The following TSPAN3 variants were observed in gnomAD, a reference collection of about 807,000 sequenced individuals.
TSPAN3 encodes tetraspanin-3.
Under a neutral mutation model 31.1 loss-of-function variants are expected in TSPAN3, and 9 were observed. The observed-to-expected ratio is 0.29, with a 90% CI of 0.17 to 0.50. The LOEUF (loss-of-function observed/expected upper bound fraction) is 0.50, where lower values mean the gene tolerates loss of function less well. TSPAN3 is among the 20% of genes least tolerant of loss of function. The pLI is 0.98. For synonymous variants in TSPAN3, 129 were observed against 114.3 expected (o/e 1.13, Z -0.82); for missense variants, 252 against 313.5 (o/e 0.80, Z 1.48).
chr15:77,066,283 T>C (rs554447323), intron 1 of TSPAN3, among the ~76,000 whole-genome samples: 56 of 152,274 alleles, frequency 3.7e-4, no homozygotes, highest in Non-Finnish European at 5.1e-4. Context: ...TTTAATACAA[T>C]AGCCTTTGCT....
At chr15:77,047,452 A>G (rs1166710107) in intron 6 of TSPAN3, among the ~76,000 whole-genome samples, 1 of 152,240 alleles carries the variant, frequency 6.6e-6, no homozygotes, top group African/African-American at 2.4e-5. Context: ...GGTTTTTGGA[A>G]AACGAAATTC....
rs553702531 is a variant in TSPAN3, at chr15:77,041,771, A to C, written c.*5064T>G. 1.3e-5 allele frequency: 2 copies of C among 152,346 alleles called. No individual in the cohort carries two copies. Among genetic ancestry groups the C allele is most frequent in the South Asian group, 4.1e-4 (2 of 4,824 alleles). 9.4% of individuals were successfully genotyped at this position (152,346 alleles called of 1,614,324 possible). ...TAAAAATACATGACACAGGGTGATG[A>C]AAGTGCTTTGAAACTAGATACAGGC... On this transcript the variant is annotated 3_prime_UTR_variant, in exon 7 of 7. Coordinates refer to ENST00000267970, the MANE Select transcript of TSPAN3 (RefSeq NM_005724.6).
chr15:77,065,088 T>A (rs2076823834), intron 1 of TSPAN3, among the ~76,000 whole-genome samples: 1 of 152,228 alleles, frequency 6.6e-6, no homozygotes. Context: ...TTCCTTCAGT[T>A]CTGAATCCCC....
intron 1 of TSPAN3, among the ~76,000 whole-genome samples, chr15:77,057,486 A>C (rs1480103329): frequency 1.3e-5 from 2 of 152,246 alleles, no homozygotes; most frequent in Non-Finnish European, 2.9e-5. Flanking sequence ...CATTAGGATC[A>C]CTGTCAGATG....
In TSPAN3 at chr15:77,045,520, G is replaced by C. The variant is rs1305393057; in HGVS notation, c.*1315C>G. On this transcript the variant is annotated 3_prime_UTR_variant, in exon 7 of 7. Transcript: ENST00000267970. ...CCACAGGATGTTCCGTAAGACACTA[G>C]AGGGCCTGGGCTTTCCTGCTTCTCC... 6.6e-6 allele frequency: 1 copy of C among 152,362 alleles called. No individual in the cohort carries two copies. Among genetic ancestry groups the C allele is most frequent in the African/African-American group, 2.4e-5 (1 of 41,436 alleles). The allele number at this position is 152,362 out of a possible 1,614,324, so 9.4% of individuals were successfully genotyped here.
chr15:77,058,652 G>C (rs921709625), intron 1 of TSPAN3, among the ~76,000 whole-genome samples: 1 of 152,178 alleles, frequency 6.6e-6, no homozygotes, highest in Non-Finnish European at 1.5e-5. Context: ...GTATCATCTA[G>C]AACAGTACTT....
intron 6 of TSPAN3, among the ~76,000 whole-genome samples, chr15:77,048,608 G>T (rs2076708943): frequency 6.6e-6 from 1 of 152,028 alleles, no homozygotes; most frequent in African/African-American, 2.4e-5. Flanking sequence ...AACTATTACA[G>T]GCTCATTTCC....
chr15:77,050,047 A>C (rs2076720198), intron 6 of TSPAN3, among the ~76,000 whole-genome samples: 1 of 152,222 alleles, frequency 6.6e-6, no homozygotes, highest in Non-Finnish European at 1.5e-5. Context: ...AAAGAGGGCC[A>C]AGACTGGAGA....
rs1041852910 is a variant in TSPAN3, at chr15:77,046,194, A to G, written c.*641T>C. 2.6e-6 allele frequency: 1 copy of G among 387,454 alleles called. No homozygotes were observed. Among genetic ancestry groups the G allele is most frequent in the African/African-American group, 2.1e-5 (1 of 48,412 alleles). The allele number at this position is 387,454 out of a possible 1,614,324, so 24.0% of individuals were successfully genotyped here. On this transcript the variant is annotated 3_prime_UTR_variant, in exon 7 of 7. Coordinates refer to ENST00000267970, the MANE Select transcript of TSPAN3 (RefSeq NM_005724.6). Reference sequence around the variant, plus strand: ...AAACACACTCACACTAATTCTTTTAAAACAGTAGTGCATACATTATACTCC... The same window carrying G: ...AAACACACTCACACTAATTCTTTTAGAACAGTAGTGCATACATTATACTCC...
intron 6 of TSPAN3, among the ~76,000 whole-genome samples, chr15:77,049,373 G>A (rs949196767): frequency 1.3e-5 from 2 of 152,112 alleles, no homozygotes; most frequent in Non-Finnish European, 1.5e-5. Flanking sequence ...TTGAGGATAT[G>A]CCAACTTCAT....
At position 77,041,921 on chromosome 15, in the gene TSPAN3, A is replaced by G. The variant is rs143620772; in HGVS notation, c.*4914T>C. 30 of 152,348 alleles carry G rather than the reference A, an allele frequency of 2.0e-4. 1 individual carries two copies. In the East Asian group the frequency reaches 5.8e-3, roughly 29 times the overall value. The allele number at this position is 152,348 out of a possible 1,614,324, so 9.4% of individuals were successfully genotyped here. ...CATTTTAAAAATTGTAAATGACTGC[A>G]GTGTGTGTATAGAGATGATCACTGT... On this transcript the variant is annotated 3_prime_UTR_variant, in exon 7 of 7. Coordinates refer to ENST00000267970, the MANE Select transcript of TSPAN3 (RefSeq NM_005724.6).
Position 77,056,107 on chromosome 15 carries a change from C to A in TSPAN3, c.212G>T (p.Gly71Val). ...ACTTTCCCGGATTGTGGCACAGCAG[C>A]CAATTAGCCCAATGATGAAAAGCAG... is the stretch of plus-strand genomic sequence containing the variant. ...GALLFIIGLI[G>V]CCATIRESRC... is the part of the protein sequence containing the mutation. Residue 71 changes from glycine (G) to valine (V), a missense_variant, in exon 2 of 7, where the codon GGC becomes GTC. Transcript: ENST00000267970. 6.2e-7 allele frequency: 1 copy of A among 1,611,608 alleles called. No homozygotes were observed. The highest frequency in any genetic ancestry group is 8.5e-7 in the Non-Finnish European group (1 of 1,179,228).
At chr15:77,049,494 G>T (rs1052199121) in intron 6 of TSPAN3, among the ~76,000 whole-genome samples, 1 of 152,082 alleles carries the variant, frequency 6.6e-6, no homozygotes, top group Non-Finnish European at 1.5e-5. Context: ...CTAGATTTTT[G>T]TCAATTATTA....
At position 77,052,941 on chromosome 15, in the gene TSPAN3, G is replaced by T; in HGVS notation, c.433-12C>A. 6.2e-7 allele frequency: 1 copy of T among 1,609,438 alleles called. No homozygotes were observed. The highest frequency in any genetic ancestry group is 8.5e-7 in the Non-Finnish European group (1 of 1,177,272). On this transcript the variant is annotated splice_polypyrimidine_tract_variant and intron_variant, in intron 4 of 6. Coordinates refer to ENST00000267970, the MANE Select transcript of TSPAN3 (RefSeq NM_005724.6). Reference sequence around the variant, plus strand: ...CCACAACAATGCAGCTAAAGGAGAAGAGAATAAGTATTATTTCTCACAAAA... The same window carrying T: ...CCACAACAATGCAGCTAAAGGAGAATAGAATAAGTATTATTTCTCACAAAA...
rs909586032 is a variant in TSPAN3, at chr15:77,056,006, T to C, written c.255+58A>G. On this transcript the variant is annotated intron_variant, in intron 2 of 6. Coordinates refer to ENST00000267970, the MANE Select transcript of TSPAN3 (RefSeq NM_005724.6). Reference sequence around the variant, plus strand: ...CAACTATAAGAGCCAAGGAGTCTCATGTTCAAGGAGAGTAGCATAGACTAA... The same window carrying C: ...CAACTATAAGAGCCAAGGAGTCTCACGTTCAAGGAGAGTAGCATAGACTAA... The C allele has an allele frequency of 1.5e-4, 231 of 1,537,068 alleles. No individual in the cohort carries two copies. The Middle Eastern group carries it at 4.2e-3, about 28-fold the overall frequency.
At chr15:77,055,890 T>C (rs778364921) in intron 2 of TSPAN3, 27 bp from the exon 3 acceptor site, 4 of 1,578,726 alleles carry the variant, frequency 2.5e-6, no homozygotes, top group Admixed American at 2.0e-5. Flanking sequence ...TTTAAAATTA[T>C]ATACAAATGA....
At chr15:77,053,104 A>G (rs1304482967) in intron 4 of TSPAN3, among the ~76,000 whole-genome samples, 175 bp from the exon 5 acceptor site, 1 of 152,186 alleles carries the variant, frequency 6.6e-6, no homozygotes, top group East Asian at 1.9e-4. Context: ...AGCTCTACTG[A>G]GCACTTAAAT....
At chr15:77,057,442 T>C (rs996582330) in intron 1 of TSPAN3, among the ~76,000 whole-genome samples, 2 of 152,222 alleles carry the variant, frequency 1.3e-5, no homozygotes, top group African/African-American at 2.4e-5. Context: ...TTCAGTAAGC[T>C]TGGGGATCAT....
intron 1 of TSPAN3, among the ~76,000 whole-genome samples, chr15:77,062,547 G>A (rs1364562125): frequency 6.6e-6 from 1 of 152,194 alleles, no homozygotes; most frequent in Non-Finnish European, 1.5e-5. Flanking sequence ...ATAAAGTTAA[G>A]GAGTATTCAA....
Sources: gnomAD v4.1 joint callset for allele counts (sites outside exome capture counted in the v4.1 genomes callset) on GRCh38, gnomAD v4.1.1 for gene constraint, MANE v1.5 for transcripts, NCBI Gene and HGNC (gene_info 2026-07-23, HGNC 2026-07-21) for gene names.